Variants in PJA2 observed in about 807,000 individuals in gnomAD.
PJA2 encodes E3 ubiquitin-protein ligase Praja-2.
Under a neutral mutation model 69.3 loss-of-function variants are expected in PJA2, and 25 were observed. The ratio of observed to expected loss-of-function variants is 0.36; its 90% CI spans 0.26 to 0.50. The LOEUF is 0.50. Among genes scored for constraint, PJA2 ranks in the 20% least tolerant of loss-of-function variants. The probability of loss-of-function intolerance (pLI) is 0.96; values close to 1 mark genes in which losing one functional copy is unlikely to be tolerated. For synonymous variants in PJA2, 308 were observed against 277.8 expected, an observed-to-expected ratio of 1.11 and a Z score of -1.08; for missense variants, 809 against 830.2, an observed-to-expected ratio of 0.97 and a Z score of 0.31.
intron 9 of PJA2, 104 bp downstream of exon 9, chr5:109,344,086 A>G: frequency 1.1e-6 from 1 of 912,702 alleles, no homozygotes; most frequent in East Asian, 3.0e-5. Context: ...GACAAGAGCG[A>G]AACTTTGTCT....
At chr5:109,392,471 G>C (rs889809990) in intron 1 of PJA2, among the ~76,000 whole-genome samples, 2 of 147,480 alleles carry the variant, frequency 1.4e-5, no homozygotes, top group Non-Finnish European at 3.0e-5. Flanking sequence ...TGAGGCAGGA[G>C]AATCACTTGA....
chr5:109,405,067 T>C (rs1747651415), intron 1 of PJA2, among the ~76,000 whole-genome samples: 1 of 152,216 alleles, frequency 6.6e-6, no homozygotes, highest in Non-Finnish European at 1.5e-5. Context: ...ACAAAAAATT[T>C]ACTCAAATGA....
intron 1 of PJA2, among the ~76,000 whole-genome samples, chr5:109,393,205 G>T (rs1198252950): frequency 6.6e-6 from 1 of 152,056 alleles, no homozygotes; most frequent in African/African-American, 2.4e-5. Context: ...TCCAGAAAAG[G>T]TTACCCAAAT....
intron 1 of PJA2, among the ~76,000 whole-genome samples, chr5:109,401,344 C>A (rs1017271204): frequency 4.6e-5 from 7 of 152,052 alleles, no homozygotes; most frequent in African/African-American, 1.7e-4. Flanking sequence ...CCTGCAAATG[C>A]AGGATTTTTG....
intron 1 of PJA2, among the ~76,000 whole-genome samples, chr5:109,401,467 A>AT (rs1208168775): frequency 4.6e-5 from 7 of 152,204 alleles, no homozygotes; most frequent in Admixed American, 1.3e-4. Flanking sequence ...TCAAAAAAAA[A>AT]CAACAAATAA....
chr5:109,351,632 T>C (rs1266610947), intron 7 of PJA2, among the ~76,000 whole-genome samples: 2 of 152,074 alleles, frequency 1.3e-5, no homozygotes, highest in Non-Finnish European at 2.9e-5. Context: ...TAAAGATGTT[T>C]AAGGTTTTAC....
chr5:109,372,905 CAAAAA>C (rs528408590), intron 4 of PJA2, among the ~76,000 whole-genome samples: 1,161 of 35,730 alleles, frequency 0.032, 28 homozygotes, highest in African/African-American at 0.061. Context: ...CACTCCGTCT[CAAAAA>C]AAAAAAAAAA....
intron 2 of PJA2, among the ~76,000 whole-genome samples, chr5:109,382,045 C>A (rs1463850749): frequency 2.6e-5 from 4 of 151,888 alleles, no homozygotes; most frequent in Non-Finnish European, 5.9e-5. Context: ...GGAGATCTTC[C>A]AAATTAAGTA....
chr5:109,337,100 T>TAAC lies in PJA2; in HGVS notation c.*130_*131insGTT. 4.6e-6 allele frequency: 4 copies of TAAC among 861,512 alleles called. No individual in the cohort carries two copies. Among genetic ancestry groups the TAAC allele is most frequent in the South Asian group, 3.7e-5 (1 of 26,722 alleles). 53.4% of individuals were successfully genotyped at this position (861,512 alleles called of 1,614,324 possible). Reference sequence around the variant, plus strand: ...AAATTTAGTTTAGAAAGGTTAATATTCTTTCTAAACTATGGCATATACTAT... The same window carrying TAAC: ...AAATTTAGTTTAGAAAGGTTAATATTAACCTTTCTAAACTATGGCATATACTAT... On this transcript the variant is annotated 3_prime_UTR_variant, in exon 10 of 10. Transcript: ENST00000361189.
intron 3 of PJA2, 71 bp from the exon 4 acceptor site, chr5:109,379,325 C>T (rs1746984696): frequency 7.2e-6 from 8 of 1,105,050 alleles, no homozygotes; most frequent in Non-Finnish European, 1.0e-5. Flanking sequence ...ATAACTATCA[C>T]TTAAGTGGAA....
At chr5:109,344,120 A>T (rs1176029044) in intron 9 of PJA2, 70 bp downstream of exon 9, 150 of 838,518 alleles carry the variant, frequency 1.8e-4, no homozygotes, top group Non-Finnish European at 2.3e-4. Flanking sequence ...AAAAAAAAAA[A>T]GATACTATTA....
chr5:109,362,973 C>G lies in PJA2; in HGVS notation c.1519G>C (p.Glu507Gln), dbSNP rs746823796. ...EGEIPWLQYN[E>Q]VNESSSDEGN... ...TCATCACTGCTGCTTTCATTGACTTCATTGTACTGTAACCAAGGAATTTCT... is the reference window on the plus strand; with the variant it reads ...TCATCACTGCTGCTTTCATTGACTTGATTGTACTGTAACCAAGGAATTTCT... The change falls in exon 6 of 10, where the codon GAA becomes CAA. Residue 507 changes from glutamate (E) to glutamine (Q), a missense_variant. Physicochemically the swap from Glu to Gln is conservative, Grantham distance 29. This residue lies in a region of PJA2 where 700 missense variants were observed against 639.5 expected (regional missense o/e 1.09). Transcript: ENST00000361189. 2 of 1,612,206 alleles carry G rather than the reference C, an allele frequency of 1.2e-6. No homozygotes were observed. Among genetic ancestry groups the G allele is most frequent in the Non-Finnish European group, 1.7e-6 (2 of 1,178,558 alleles).
At chr5:109,358,466 T>C (rs962014129) in intron 6 of PJA2, among the ~76,000 whole-genome samples, 6 of 152,204 alleles carry the variant, frequency 3.9e-5, no homozygotes, top group African/African-American at 7.2e-5. Context: ...GTGAGACCCC[T>C]GATTTCCCAT....
At chr5:109,392,222 G>C (rs531913894) in intron 1 of PJA2, among the ~76,000 whole-genome samples, 7 of 152,234 alleles carry the variant, frequency 4.6e-5, no homozygotes, top group Admixed American at 3.3e-4. Flanking sequence ...TAAGAGGCTT[G>C]TTAGGGAATA....
At chr5:109,364,602 G>A (rs1452760327) in intron 5 of PJA2, among the ~76,000 whole-genome samples, 2 of 134,618 alleles carry the variant, frequency 1.5e-5, no homozygotes, top group Non-Finnish European at 3.3e-5. Context: ...CAGCCTGGGC[G>A]ACAGAGCGAG....
intron 6 of PJA2, 49 bp downstream of exon 6, chr5:109,362,791 C>T: frequency 6.8e-7 from 1 of 1,468,330 alleles, no homozygotes; most frequent in Non-Finnish European, 9.2e-7. Flanking sequence ...AAATTAGAAT[C>T]ATGAACTCAG....
At chr5:109,337,424 G>A (rs3749669) in intron 9 of PJA2, 68 bp from the exon 10 acceptor site, 140,381 of 1,473,620 alleles carry the variant, frequency 0.095, 10,582 homozygotes, top group African/African-American at 0.35. Flanking sequence ...ACTTAATAAA[G>A]AAAAAACAGT....
intron 4 of PJA2, among the ~76,000 whole-genome samples, chr5:109,373,795 C>T (rs1762715043): frequency 6.6e-6 from 1 of 152,162 alleles, no homozygotes; most frequent in African/African-American, 2.4e-5. Flanking sequence ...AAATGTTACA[C>T]TCTACACATT....
intron 1 of PJA2, among the ~76,000 whole-genome samples, chr5:109,401,240 C>T (rs1280808079): frequency 1.3e-5 from 2 of 151,982 alleles, no homozygotes; most frequent in East Asian, 1.9e-4. Context: ...GCTGAGATGG[C>T]GCCATTGCAC....
Sources: gnomAD v4.1 joint callset for allele counts (sites outside exome capture counted in the v4.1 genomes callset) on GRCh38, gnomAD v4.1.1 for gene constraint, gnomAD v4.1.1 regional missense constraint, MANE v1.5 for transcripts, NCBI Gene and HGNC (gene_info 2026-07-23, HGNC 2026-07-21) for gene names.